Variants in ARAP2 observed in about 807,000 individuals in gnomAD.
The protein encoded by ARAP2 is arf-GAP with Rho-GAP domain, ANK repeat and PH domain-containing protein 2.
ARAP2 carries 148 observed loss-of-function variants against 194.5 expected under a neutral mutation model. That is an observed-to-expected ratio of 0.76 (90% CI 0.67 to 0.87). ARAP2 has a LOEUF of 0.87. Among genes scored for constraint, ARAP2 ranks in the 40% least tolerant of loss-of-function variants. The probability of loss-of-function intolerance (pLI) is 0.00; values close to 1 mark genes in which losing one functional copy is unlikely to be tolerated. For synonymous variants in ARAP2, 695 were observed against 683.5 expected (o/e 1.02, Z -0.26); for missense variants, 2,128 against 1,989.7 (o/e 1.07, Z -1.32).
chr4:36,176,488 C>T (rs1466500020), intron 9 of ARAP2, among the ~76,000 whole-genome samples: 27 of 152,204 alleles, frequency 1.8e-4, no homozygotes. Context: ...CATTTGAACT[C>T]TATGCAAGTC....
At chr4:36,218,078 T>C (rs1748366016) in intron 2 of ARAP2, among the ~76,000 whole-genome samples, 1 of 152,176 alleles carries the variant, frequency 6.6e-6, no homozygotes, top group Admixed American at 6.5e-5. Flanking sequence ...TGATTTATTA[T>C]ATAGCTGTAG....
intron 6 of ARAP2, among the ~76,000 whole-genome samples, chr4:36,200,641 G>A (rs1334472891): frequency 6.6e-6 from 1 of 152,086 alleles, no homozygotes; most frequent in East Asian, 1.9e-4. Context: ...ATAATAAAAG[G>A]AAAAGCTTGA....
intron 9 of ARAP2, among the ~76,000 whole-genome samples, chr4:36,168,880 C>T (rs1333760032): frequency 9.5e-4 from 144 of 152,094 alleles, no homozygotes; most frequent in Non-Finnish European, 7.3e-5. Context: ...ATGATCTCTA[C>T]GGAAGGAAGA....
intron 15 of ARAP2, chr4:36,157,599 A>C (rs1024775224): frequency 6.6e-6 from 1 of 152,348 alleles, no homozygotes; most frequent in East Asian, 1.9e-4. Context: ...CTTCACGCCG[A>C]GCTTCACTAT....
At chr4:36,214,525 G>A in intron 2 of ARAP2, 45 bp from the exon 3 acceptor site, 2 of 1,243,792 alleles carry the variant, frequency 1.6e-6, no homozygotes, top group African/African-American at 1.5e-5. Flanking sequence ...AAATATTTAT[G>A]ATATTTATGA....
intron 2 of ARAP2, among the ~76,000 whole-genome samples, chr4:36,221,689 C>G (rs944455262): frequency 2.6e-5 from 4 of 152,050 alleles, no homozygotes; most frequent in Non-Finnish European, 4.4e-5. Flanking sequence ...ATCTATCAAC[C>G]AAGTTCAGAT....
intron 28 of ARAP2, among the ~76,000 whole-genome samples, chr4:36,084,830 A>G (rs933353500): frequency 1.3e-5 from 2 of 152,110 alleles, no homozygotes; most frequent in Non-Finnish European, 2.9e-5. Flanking sequence ...ATTATCAGTA[A>G]GTTCACTATT....
chr4:36,159,527 A>G (rs762725039), intron 13 of ARAP2, 22 bp from the exon 14 acceptor site: 1 of 1,484,370 alleles, frequency 6.7e-7, no homozygotes. Flanking sequence ...AAGAAAATAT[A>G]CATCTTAAGG....
intron 27 of ARAP2, among the ~76,000 whole-genome samples, chr4:36,096,374 A>AAAAAGAAAAAG (rs1553899091): frequency 7.0e-6 from 1 of 142,084 alleles, no homozygotes; most frequent in African/African-American, 2.9e-5. Flanking sequence ...AAAAAAAAAA[A>AAAAAGAAAAAG]AAAAAAGAAA....
intron 24 of ARAP2, among the ~76,000 whole-genome samples, chr4:36,118,359 G>T (rs574211852): frequency 1.6e-3 from 239 of 149,440 alleles, no homozygotes; most frequent in African/African-American, 5.5e-3. Context: ...AGAAGAATAG[G>T]TAAGAAATTC....
chr4:36,181,335 T>C (rs1739189228), intron 8 of ARAP2, among the ~76,000 whole-genome samples: 1 of 151,972 alleles, frequency 6.6e-6, no homozygotes, highest in Non-Finnish European at 1.5e-5. Flanking sequence ...TACAAAACAA[T>C]AGTAAATTCC....
chr4:36,022,931 G>A (rs1254166787), intron 5 of ARAP2, among the ~76,000 whole-genome samples: 1 of 152,044 alleles, frequency 6.6e-6, no homozygotes, highest in Admixed American at 6.6e-5. Flanking sequence ...ATATGGAGAA[G>A]AAAATCCAAG....
At chr4:36,092,313 G>GA (rs1308409022) in intron 27 of ARAP2, among the ~76,000 whole-genome samples, 2 of 152,020 alleles carry the variant, frequency 1.3e-5, no homozygotes, top group Admixed American at 1.3e-4. Context: ...GACTTTATAT[G>GA]AAAAAATATA....
intron 8 of ARAP2, among the ~76,000 whole-genome samples, chr4:36,179,115 G>T (rs1266539865): frequency 1.3e-5 from 2 of 152,044 alleles, no homozygotes; most frequent in African/African-American, 4.8e-5. Flanking sequence ...TATTACAGAG[G>T]CAAAAGAAAA....
intron 27 of ARAP2, among the ~76,000 whole-genome samples, chr4:36,099,847 T>C (rs1458678697): frequency 1.3e-5 from 2 of 152,078 alleles, no homozygotes; most frequent in East Asian, 1.9e-4. Flanking sequence ...AGAATAGAGC[T>C]TGGCAGAGAA....
intron 6 of ARAP2, among the ~76,000 whole-genome samples, chr4:36,198,877 C>A (rs1297724662): frequency 6.6e-6 from 1 of 152,184 alleles, no homozygotes; most frequent in South Asian, 2.1e-4. Flanking sequence ...AGGGCTCCTG[C>A]CAGCTTCCAG....
intron 25 of ARAP2, among the ~76,000 whole-genome samples, chr4:36,116,315 A>T (rs1235638828): frequency 6.6e-6 from 1 of 151,932 alleles, no homozygotes; most frequent in Non-Finnish European, 1.5e-5. Context: ...TTTAAAAAAG[A>T]TAAGTAGCTA....
intron 15 of ARAP2, among the ~76,000 whole-genome samples, chr4:36,152,657 C>A (rs1215733940): frequency 1.5e-5 from 2 of 135,472 alleles, no homozygotes; most frequent in East Asian, 4.5e-4. Flanking sequence ...TAAGCCCCCC[C>A]ACCATACTGA....
chr4:36,152,142 A>T (rs1241298079), intron 15 of ARAP2, among the ~76,000 whole-genome samples: 2 of 152,234 alleles, frequency 1.3e-5, no homozygotes, highest in Non-Finnish European at 2.9e-5. Context: ...GATAGGACAC[A>T]GTATTCTGAA....
Sources: gnomAD v4.1 joint callset for allele counts (sites outside exome capture counted in the v4.1 genomes callset) on GRCh38, gnomAD v4.1.1 for gene constraint, MANE v1.5 for transcripts, NCBI Gene and HGNC (gene_info 2026-07-23, HGNC 2026-07-21) for gene names.